Variants in ALKBH8 observed in about 807,000 individuals in gnomAD.
The protein encoded by ALKBH8 is alkB homolog 8, tRNA methyltransferase.
In ALKBH8, 36 loss-of-function variants were observed where a neutral mutation model predicts 59.8. That is an observed-to-expected ratio of 0.60 (90% CI 0.46 to 0.79). The LOEUF is 0.79. Among genes scored for constraint, ALKBH8 ranks in the 30% least tolerant of loss-of-function variants. The probability of loss-of-function intolerance (pLI) is 0.00; values close to 1 mark genes in which losing one functional copy is unlikely to be tolerated. For missense variants in ALKBH8, 768 were observed against 801.0 expected, an observed-to-expected ratio of 0.96 and a Z score of 0.50; for synonymous variants, 276 against 273.6, an observed-to-expected ratio of 1.01 and a Z score of -0.09.
In ALKBH8 at chr11:107,534,913, C is replaced by G. The variant is rs528446296; in HGVS notation, c.772-2507G>C. Among the ~76,000 whole-genome samples the G allele has an allele frequency of 2.6e-5, 4 of 152,254 alleles. No individual in the cohort carries two copies. The East Asian group carries it at 7.7e-4, about 29-fold the overall frequency. The stretch of plus-strand genomic sequence containing the variant: ...AGTCCTTTACCCCTCACCCCCGCAA[C>G]TTTTCCCCAAAGTCCCCAAAGTCCA... On this transcript the variant is annotated intron_variant, in intron 7 of 11. Coordinates refer to ENST00000428149, the MANE Select transcript of ALKBH8 (RefSeq NM_138775.3).
At chr11:107,558,354 A>G (rs1864797931) in intron 2 of ALKBH8, among the ~76,000 whole-genome samples, 1 of 152,276 alleles carries the variant, frequency 6.6e-6, no homozygotes, top group Non-Finnish European at 1.5e-5. Flanking sequence ...ATACAATACT[A>G]TATGATATGG....
intron 2 of ALKBH8, among the ~76,000 whole-genome samples, chr11:107,557,866 A>G (rs1864780485): frequency 6.6e-6 from 1 of 152,168 alleles, no homozygotes; most frequent in African/African-American, 2.4e-5. Context: ...ATTCTATACA[A>G]TGTAAAGATT....
Position 107,553,853 on chromosome 11 carries a change from G to C in ALKBH8, c.493C>G (p.Gln165Glu). ...TTTTGAAAGTTTTACTTACAGTTTTGATTGTCTGTATCTTCTGTCCAATCA... is the reference window on the plus strand; with the variant it reads ...TTTTGAAAGTTTTACTTACAGTTTTCATTGTCTGTATCTTCTGTCCAATCA... ...SVDWTEDTDN[Q>E]NSQKSLKHRR... Residue 165 changes from glutamine to glutamate, a missense_variant, in exon 4 of 12, where the codon CAA becomes GAA. By Grantham distance (29) the Gln-to-Glu change is conservative. Coordinates refer to ENST00000428149, the MANE Select transcript of ALKBH8 (RefSeq NM_138775.3). 1.9e-6 allele frequency: 3 copies of C among 1,608,520 alleles called. No homozygotes were observed. Among genetic ancestry groups the C allele is most frequent in the African/African-American group, 2.7e-5 (2 of 74,692 alleles).
Position 107,525,420 on chromosome 11 carries a change from G to A in ALKBH8, c.1030+21C>T, listed in dbSNP as rs758293044. 13 of 1,521,976 alleles carry A rather than the reference G, an allele frequency of 8.5e-6. 1 individual carries two copies. The highest frequency in any genetic ancestry group is 3.7e-5 in the South Asian group (3 of 80,356). 94.3% of individuals were successfully genotyped at this position (1,521,976 alleles called of 1,614,324 possible). A position where few individuals can be genotyped will look rare whatever the true frequency, so the allele number is the denominator to read the frequency against. ...ATTAAACTGACTCCATTTTACAGAC[G>A]AGATAAGAGTATATACTTACTACAG... On this transcript the variant is annotated intron_variant, in intron 9 of 11. Transcript: ENST00000428149.
At chr11:107,553,823 T>C (rs762985961) in intron 4 of ALKBH8, 24 bp downstream of exon 4, 11 of 1,598,598 alleles carry the variant, frequency 6.9e-6, no homozygotes, top group South Asian at 3.4e-5. Context: ...CTTTCAAATA[T>C]CAGATTTTGA....
chr11:107,533,613 G>A (rs186226461), intron 7 of ALKBH8, among the ~76,000 whole-genome samples: 4 of 152,164 alleles, frequency 2.6e-5, no homozygotes, highest in East Asian at 3.9e-4. Context: ...GAAAGCATTC[G>A]AAACACCGGA....
chr11:107,556,644 T>G (rs1864724415), intron 3 of ALKBH8, 122 bp downstream of exon 3: 1 of 594,598 alleles, frequency 1.7e-6, no homozygotes, highest in Non-Finnish European at 2.6e-6. Context: ...TTTGTTAAAG[T>G]AAAAGGAGCT....
chr11:107,553,937 G>C lies in ALKBH8; in HGVS notation c.409C>G (p.Leu137Val). Reference protein sequence around the residue: ...ELRPQALPPGLMVVEEIISSE... With the variant: ...ELRPQALPPGVMVVEEIISSE... The stretch of plus-strand genomic sequence containing the variant: ...GAAATTATTTCTTCTACTACCATGA[G>C]TCCTGGTGGTAAGGCTTGAGGCCTC... Residue 137 changes from leucine (L) to valine (V), a missense_variant, in exon 4 of 12, where the codon CTC (leucine) becomes GTC (valine). Coordinates refer to ENST00000428149, the MANE Select transcript of ALKBH8 (RefSeq NM_138775.3). 4 of 1,613,704 alleles carry C rather than the reference G, an allele frequency of 2.5e-6. No individual in the cohort carries two copies. The highest frequency in any genetic ancestry group is 1.3e-5 in the African/African-American group (1 of 75,018).
intron 7 of ALKBH8, among the ~76,000 whole-genome samples, chr11:107,547,316 A>G (rs1864301986): frequency 6.6e-6 from 1 of 152,218 alleles, no homozygotes; most frequent in Admixed American, 6.5e-5. Context: ...AATCAATAAA[A>G]CAGAACAGCA....
chr11:107,503,374 T>C lies in ALKBH8; in HGVS notation c.*1284A>G, dbSNP rs1862252583. 6.6e-6 allele frequency: 1 copy of C among 152,166 alleles called. No homozygotes were observed. Among genetic ancestry groups the C allele is most frequent in the South Asian group, 2.1e-4 (1 of 4,828 alleles). The allele number at this position is 152,166 out of a possible 1,614,324, so 9.4% of individuals were successfully genotyped here. On this transcript the variant is annotated 3_prime_UTR_variant, in exon 12 of 12. Transcript: ENST00000428149. ...AAACTTGATGCTTCAAGATTAAGTA[T>C]CACTAGCATTAATAACAGTAAACAT...
intron 7 of ALKBH8, among the ~76,000 whole-genome samples, chr11:107,534,114 A>G (rs543371604): frequency 6.6e-6 from 1 of 152,278 alleles, no homozygotes; most frequent in East Asian, 1.9e-4. Flanking sequence ...TGGGAAACAG[A>G]GCGAGACACC....
chr11:107,513,959 G>C (rs1438139864), intron 10 of ALKBH8, among the ~76,000 whole-genome samples: 1 of 152,098 alleles, frequency 6.6e-6, no homozygotes, highest in Non-Finnish European at 1.5e-5. Flanking sequence ...GACTACCTGG[G>C]TGATGAAATA....
At position 107,503,087 on chromosome 11, in the gene ALKBH8, T is replaced by A. The variant is rs181547330; in HGVS notation, c.*1571A>T. On this transcript the variant is annotated 3_prime_UTR_variant, in exon 12 of 12. Transcript: ENST00000428149. ...CTCCCTTCTTGAGTCAATTTTGGTA[T>A]TTTTCATCTTCATAGAAAATCATCT... 10 of 152,316 alleles carry A rather than the reference T, an allele frequency of 6.6e-5. No homozygotes were observed. The highest frequency in any genetic ancestry group is 5.9e-4 in the Admixed American group (9 of 15,302). 9.4% of individuals were successfully genotyped at this position (152,316 alleles called of 1,614,324 possible).
chr11:107,535,160 G>A (rs1863762768), intron 7 of ALKBH8, among the ~76,000 whole-genome samples: 1 of 152,172 alleles, frequency 6.6e-6, no homozygotes, highest in Non-Finnish European at 1.5e-5. Flanking sequence ...GTTGATTGAT[G>A]GGCATTTGGG....
At chr11:107,524,380 TA>T (rs150871160) in intron 9 of ALKBH8, among the ~76,000 whole-genome samples, 3 of 151,460 alleles carry the variant, frequency 2.0e-5, no homozygotes, top group Non-Finnish European at 2.9e-5. Context: ...TTATTCATCT[TA>T]AAAAAAAATC....
intron 10 of ALKBH8, among the ~76,000 whole-genome samples, chr11:107,520,391 T>C (rs1296295339): frequency 1.3e-5 from 2 of 152,242 alleles, no homozygotes; most frequent in African/African-American, 4.8e-5. Flanking sequence ...GTGTTCGTTT[T>C]CTGTTTATCA....
intron 7 of ALKBH8, among the ~76,000 whole-genome samples, chr11:107,540,539 T>C (rs1863993374): frequency 6.6e-6 from 1 of 152,220 alleles, no homozygotes; most frequent in Admixed American, 6.5e-5. Context: ...AAATGCTAAA[T>C]TGGAGACACT....
intron 10 of ALKBH8, among the ~76,000 whole-genome samples, chr11:107,520,990 C>G (rs1270705203): frequency 6.6e-6 from 1 of 152,128 alleles, no homozygotes; most frequent in African/African-American, 2.4e-5. Context: ...ACAGCATTTA[C>G]ACTGTATTAC....
chr11:107,518,879 T>G (rs1223247172), intron 10 of ALKBH8, among the ~76,000 whole-genome samples: 1 of 152,170 alleles, frequency 6.6e-6, no homozygotes, highest in Non-Finnish European at 1.5e-5. Context: ...TCTATATTTG[T>G]GTGTGTGTCT....
Sources: gnomAD v4.1 joint callset for allele counts (sites outside exome capture counted in the v4.1 genomes callset) on GRCh38, gnomAD v4.1.1 for gene constraint, MANE v1.5 for transcripts, NCBI Gene and HGNC (gene_info 2026-07-23, HGNC 2026-07-21) for gene names.